SNTG2: variants seen among roughly 807,000 people sequenced by gnomAD.
SNTG2 encodes syntrophin gamma 2.
A neutral mutation model predicts 70.9 loss-of-function variants in SNTG2; 74 were observed. That is an observed-to-expected ratio of 1.04 (90% confidence interval 0.86 to 1.27). The LOEUF (loss-of-function observed/expected upper bound fraction) is 1.27. SNTG2 is among the 50% of genes most tolerant of loss of function. The pLI, the probability that SNTG2 is intolerant of heterozygous loss-of-function variation, is 0.00. For synonymous variants in SNTG2, 278 were observed against 273.8 expected, an observed-to-expected ratio of 1.02 and a Z score of -0.15; for missense variants, 717 against 690.7, an observed-to-expected ratio of 1.04 and a Z score of -0.43.
At chr2:955,840 G>A (rs184983532) in intron 1 of SNTG2, among the ~76,000 whole-genome samples, 338 of 152,274 alleles carry the variant, frequency 2.2e-3, no homozygotes, top group African/African-American at 6.9e-3. Flanking sequence ...CTCTCACTCC[G>A]AACAGGGAGG....
At chr2:1,312,264 G>C (rs1428123025) in intron 15 of SNTG2, among the ~76,000 whole-genome samples, 2 of 152,134 alleles carry the variant, frequency 1.3e-5, no homozygotes, top group African/African-American at 2.4e-5. Flanking sequence ...CTAGCTGCTA[G>C]AGATGGAGGG....
chr2:1,190,498 T>TAC (rs1672520688), intron 8 of SNTG2, among the ~76,000 whole-genome samples: 1 of 6,972 alleles, frequency 1.4e-4, no homozygotes, highest in African/African-American at 4.0e-4. Flanking sequence ...GGGCTGACTA[T>TAC]ATATATATAT....
At chr2:1,030,284 C>T (rs2148032115) in intron 1 of SNTG2, among the ~76,000 whole-genome samples, 1 of 152,270 alleles carries the variant, frequency 6.6e-6, no homozygotes, top group Non-Finnish European at 1.5e-5. Flanking sequence ...TAGAGACGTG[C>T]TTCGTGCTTA....
At chr2:1,307,777 T>C (rs1680768149) in intron 14 of SNTG2, among the ~76,000 whole-genome samples, 1 of 152,240 alleles carries the variant, frequency 6.6e-6, no homozygotes, top group South Asian at 2.1e-4. Context: ...TGCGAGTGCA[T>C]TGGCAGGTGT....
intron 1 of SNTG2, among the ~76,000 whole-genome samples, chr2:1,041,855 C>G (rs2148058648): frequency 6.6e-6 from 1 of 152,304 alleles, no homozygotes; most frequent in South Asian, 2.1e-4. Flanking sequence ...GTCAGCAATA[C>G]CTGTCAAAAT....
At chr2:1,120,272 T>C (rs1667298664) in intron 4 of SNTG2, among the ~76,000 whole-genome samples, 1 of 152,158 alleles carries the variant, frequency 6.6e-6, no homozygotes, top group South Asian at 2.1e-4. Flanking sequence ...TACTTATCTA[T>C]CAATAATTAC....
At chr2:1,076,109 T>C (rs951758369) in intron 1 of SNTG2, among the ~76,000 whole-genome samples, 31 of 152,220 alleles carry the variant, frequency 2.0e-4, no homozygotes, top group African/African-American at 7.5e-4. Context: ...GCAAAAATCT[T>C]CAATGCCAGT....
rs1213631871 is a variant in SNTG2, at chr2:1,197,507, G to GTA, written c.592-11588_592-11587dup. ...TATATGTGTATGTATATATGTGTAT[G>GTA]TATATATATGTGTGTGTGTGTGTGT... On this transcript the variant is annotated intron_variant, in intron 8 of 16. Coordinates refer to ENST00000308624, the MANE Select transcript of SNTG2 (RefSeq NM_018968.4). 4.4e-4 allele frequency among the ~76,000 whole-genome samples: 34 copies of GTA among 78,104 alleles called. 1 individual carries two copies. The highest frequency in any genetic ancestry group is 2.0e-3 in the Admixed American group (11 of 5,516). 51.2% of individuals were successfully genotyped at this position (78,104 alleles called of 152,430 possible).
chr2:1,140,140 A>T (rs1317903900), intron 6 of SNTG2, among the ~76,000 whole-genome samples: 1 of 152,232 alleles, frequency 6.6e-6, no homozygotes, highest in Non-Finnish European at 1.5e-5. Flanking sequence ...TGTCAGTTGT[A>T]CTGAATGCAA....
At chr2:1,066,367 G>A (rs765086915) in intron 1 of SNTG2, among the ~76,000 whole-genome samples, 6 of 151,906 alleles carry the variant, frequency 3.9e-5, no homozygotes, top group African/African-American at 9.7e-5. Flanking sequence ...GTACAGTCAC[G>A]TGTTGTTGTG....
intron 14 of SNTG2, among the ~76,000 whole-genome samples, chr2:1,301,964 CTT>C (rs773498290): frequency 1.8e-4 from 25 of 141,300 alleles, no homozygotes; most frequent in Non-Finnish European, 1.1e-4. Context: ...AGTTTTCTTA[CTT>C]TTTTTTTTTT....
intron 15 of SNTG2, among the ~76,000 whole-genome samples, chr2:1,313,176 A>G (rs1207009181): frequency 1.3e-5 from 2 of 152,252 alleles, no homozygotes; most frequent in African/African-American, 4.8e-5. Context: ...AGATGTGATT[A>G]TCATCTTTAA....
intron 6 of SNTG2, chr2:1,163,555 GC>G (rs1670488993): frequency 6.7e-6 from 1 of 148,178 alleles, no homozygotes; most frequent in Non-Finnish European, 1.5e-5. Flanking sequence ...GGCGTGTGAA[GC>G]CTCCCAACAG....
chr2:1,302,413 C>A (rs1680492589), intron 14 of SNTG2, among the ~76,000 whole-genome samples: 1 of 151,646 alleles, frequency 6.6e-6, no homozygotes, highest in Admixed American at 6.6e-5. Flanking sequence ...TATACTTCAA[C>A]TAAACTCATG....
intron 8 of SNTG2, among the ~76,000 whole-genome samples, chr2:1,208,883 C>T (rs1018806281): frequency 6.6e-6 from 1 of 152,190 alleles, no homozygotes; most frequent in Admixed American, 6.5e-5. Context: ...TCTTCTCTTT[C>T]GTGCAATTTG....
At chr2:953,201 C>T (rs1660034317) in intron 1 of SNTG2, among the ~76,000 whole-genome samples, 1 of 152,170 alleles carries the variant, frequency 6.6e-6, no homozygotes, top group African/African-American at 2.4e-5. Context: ...TAAGTGAGTT[C>T]ATGGAGCTCT....
intron 14 of SNTG2, among the ~76,000 whole-genome samples, chr2:1,296,776 C>A (rs1415124146): frequency 6.6e-6 from 1 of 152,214 alleles, no homozygotes. Flanking sequence ...AACAGACCAC[C>A]TTTGCTGAGA....
intron 1 of SNTG2, among the ~76,000 whole-genome samples, chr2:1,073,615 G>T (rs1277735946): frequency 6.6e-6 from 1 of 152,200 alleles, no homozygotes; most frequent in Admixed American, 6.5e-5. Flanking sequence ...AACCAAACCT[G>T]TGATATCTTT....
At position 951,081 on chromosome 2, in the gene SNTG2, C is replaced by A; in HGVS notation, c.72+13C>A. 8.1e-7 allele frequency: 1 copy of A among 1,239,740 alleles called. No homozygotes were observed. The highest frequency in any genetic ancestry group is 3.8e-5 in the South Asian group (1 of 26,542). The allele number at this position is 1,239,740 out of a possible 1,614,324, so 76.8% of individuals were successfully genotyped here. On this transcript the variant is annotated intron_variant, in intron 1 of 16. Transcript: ENST00000308624. ...GGTACCTGCGCGGGTGAGTGCGGCC[C>A]CTCAGCGCCCCTTCACCTCCGGCCC...
Sources: gnomAD v4.1 joint callset for allele counts (sites outside exome capture counted in the v4.1 genomes callset) on GRCh38, gnomAD v4.1.1 for gene constraint, MANE v1.5 for transcripts, NCBI Gene and HGNC (gene_info 2026-07-23, HGNC 2026-07-21) for gene names.